Variants in ZBBX observed in about 807,000 individuals in gnomAD.
ZBBX encodes the protein zinc finger B-box domain-containing protein 1.
A neutral mutation model predicts 108.5 loss-of-function variants in ZBBX; 101 were observed. The observed-to-expected ratio is 0.93, with a 90% confidence interval of 0.79 to 1.10. The LOEUF (loss-of-function observed/expected upper bound fraction) is 1.10, where lower values mean the gene tolerates loss of function less well. Ranked by LOEUF, ZBBX falls within the 50% of genes least tolerant of loss-of-function variation. The pLI is 0.00. For synonymous variants in ZBBX, 356 were observed against 323.4 expected (o/e 1.10, Z -1.08); for missense variants, 1,009 against 941.4 (o/e 1.07, Z -0.94).
chr3:167,182,465 A>G, the ZBBX span, among the ~76,000 whole-genome samples: 1 of 152,248 alleles, frequency 6.6e-6, no homozygotes, highest in African/African-American at 2.4e-5. Context: ...TCCCTGCTTT[A>G]CAGCACTAAA....
chr3:167,269,083 C>A (rs1026266584), intron 20 of ZBBX, among the ~76,000 whole-genome samples: 1 of 152,204 alleles, frequency 6.6e-6, no homozygotes, highest in Admixed American at 6.5e-5. Context: ...GAGAGACAAG[C>A]CCTTTCCCTC....
chr3:167,277,169 G>A (rs1576859875), intron 20 of ZBBX, among the ~76,000 whole-genome samples: 1 of 151,676 alleles, frequency 6.6e-6, no homozygotes, highest in South Asian at 2.1e-4. Context: ...ATCGAGACTA[G>A]GAAGAAACTG....
intron 9 of ZBBX, among the ~76,000 whole-genome samples, chr3:167,343,024 G>A (rs1297655290): frequency 1.3e-5 from 2 of 151,694 alleles, no homozygotes; most frequent in Non-Finnish European, 2.9e-5. Flanking sequence ...TAATCCTTTG[G>A]ACTCATCATT....
At chr3:167,317,260 CATTT>C (rs1479070964) in intron 13 of ZBBX, among the ~76,000 whole-genome samples, 155 bp from the exon 14 acceptor site, 1 of 151,982 alleles carries the variant, frequency 6.6e-6, no homozygotes, top group Non-Finnish European at 1.5e-5. Flanking sequence ...GTGAAATACA[CATTT>C]ATTAGCATTC....
intron 9 of ZBBX, among the ~76,000 whole-genome samples, chr3:167,349,292 A>C (rs1742240963): frequency 6.6e-6 from 1 of 152,096 alleles, no homozygotes. Context: ...CCTTTTGTTA[A>C]ATTCTATATT....
chr3:167,256,065 T>C (rs1389105917), intron 20 of ZBBX, among the ~76,000 whole-genome samples: 1 of 152,186 alleles, frequency 6.6e-6, no homozygotes, highest in Non-Finnish European at 1.5e-5. Flanking sequence ...AAAGTTCGTC[T>C]TGCTGTGCCT....
intron 9 of ZBBX, among the ~76,000 whole-genome samples, chr3:167,336,836 T>C (rs982119288): frequency 2.6e-5 from 4 of 152,252 alleles, no homozygotes; most frequent in African/African-American, 9.6e-5. Context: ...TCTTTGCTTT[T>C]AACTTATTTT....
intron 20 of ZBBX, among the ~76,000 whole-genome samples, chr3:167,275,172 T>A (rs1727287755): frequency 6.6e-6 from 1 of 152,186 alleles, no homozygotes; most frequent in Non-Finnish European, 1.5e-5. Flanking sequence ...TTGTACAATT[T>A]TTATCATGTT....
At chr3:167,222,702 T>A in the ZBBX span, among the ~76,000 whole-genome samples, 1 of 151,792 alleles carries the variant, frequency 6.6e-6, no homozygotes, top group Non-Finnish European at 1.5e-5. Flanking sequence ...ACCTACTACA[T>A]AACCTCAGAA....
At chr3:167,355,352 G>A (rs1743372188) in intron 8 of ZBBX, among the ~76,000 whole-genome samples, 2 of 151,936 alleles carry the variant, frequency 1.3e-5, no homozygotes, top group African/African-American at 4.8e-5. Flanking sequence ...TTGAGGTACA[G>A]ATTACTGTTA....
At chr3:167,341,999 G>GA (rs997635056) in intron 9 of ZBBX, among the ~76,000 whole-genome samples, 13 of 151,402 alleles carry the variant, frequency 8.6e-5, no homozygotes, top group Admixed American at 5.3e-4. Context: ...CAGATTCCAT[G>GA]AAAAAAATCA....
chr3:167,380,933 C>CTTCTT (rs57382827), upstream of ZBBX, among the ~76,000 whole-genome samples: 4,497 of 151,002 alleles, frequency 0.03, 217 homozygotes, highest in African/African-American at 0.1. Context: ...CAACTCAACT[C>CTTCTT]TTCCGAACAA....
In ZBBX at chr3:167,314,071, A is replaced by G; in HGVS notation, c.1320T>C (p.Asn440=). The stretch of plus-strand genomic sequence containing the variant: ...CGAAAACATGATGTTGATGGATGCC[A>G]TTTTCATATGGAAAGCTATTCTTCT... The part of the protein sequence containing the change: ...DCQKNSFPYE[N]GIHQHHVFDK... Residue 440 remains asparagine (N), a synonymous_variant, in exon 16 of 22, where the codon AAT becomes AAC. Transcript: ENST00000675490. The G allele has an allele frequency of 6.2e-7, 1 of 1,604,880 alleles. No homozygotes were observed. The highest frequency in any genetic ancestry group is 8.5e-7 in the Non-Finnish European group (1 of 1,175,612).
chr3:167,184,624 A>C, the ZBBX span, among the ~76,000 whole-genome samples: 2 of 152,152 alleles, frequency 1.3e-5, no homozygotes, highest in Non-Finnish European at 2.9e-5. Flanking sequence ...GAGTCCTCAT[A>C]ATTCCAACAG....
At chr3:167,333,716 A>C (rs1283792384) in intron 10 of ZBBX, 111 bp downstream of exon 10, 4 of 989,934 alleles carry the variant, frequency 4.0e-6, no homozygotes, top group Non-Finnish European at 5.7e-6. Context: ...ATATGAAATA[A>C]AAATGTGATG....
chr3:167,227,857 T>G, the ZBBX span, among the ~76,000 whole-genome samples: 4 of 151,746 alleles, frequency 2.6e-5, no homozygotes, highest in Non-Finnish European at 5.9e-5. Flanking sequence ...GCCTTGATCT[T>G]ACTTTATTTG....
the ZBBX span, among the ~76,000 whole-genome samples, chr3:167,230,560 G>A: frequency 6.6e-6 from 1 of 151,794 alleles, no homozygotes; most frequent in African/African-American, 2.4e-5. Flanking sequence ...AATATAAAGG[G>A]ACATTCATTC....
At chr3:167,212,964 C>T in the ZBBX span, among the ~76,000 whole-genome samples, 1 of 152,144 alleles carries the variant, frequency 6.6e-6, no homozygotes, top group African/African-American at 2.4e-5. Flanking sequence ...AAACCAGAGA[C>T]AAGAAGTCAG....
upstream of ZBBX, among the ~76,000 whole-genome samples, chr3:167,380,911 A>G (rs189433829): frequency 1.1e-4 from 14 of 125,414 alleles, no homozygotes; most frequent in East Asian, 4.0e-3. Context: ...CACACAGTTA[A>G]CCCACAATTC....
Sources: gnomAD v4.1 joint callset for allele counts (sites outside exome capture counted in the v4.1 genomes callset) on GRCh38, gnomAD v4.1.1 for gene constraint, MANE v1.5 for transcripts, NCBI Gene and HGNC (gene_info 2026-07-23, HGNC 2026-07-21) for gene names.